NDEL1: variants seen among roughly 807,000 people sequenced by gnomAD.
The protein encoded by NDEL1 is nuclear distribution protein nudE-like 1.
A neutral mutation model predicts 45.7 loss-of-function variants in NDEL1; 9 were observed. The ratio of observed to expected loss-of-function variants is 0.20; its 90% CI spans 0.12 to 0.34. The LOEUF is 0.34. NDEL1 is among the 10% of genes least tolerant of loss of function. NDEL1 has a pLI of 1.00. For missense variants in NDEL1, 306 were observed against 406.2 expected, an observed-to-expected ratio of 0.75 and a Z score of 2.12; for synonymous variants, 133 against 158.6, an observed-to-expected ratio of 0.84 and a Z score of 1.21.
intron 8 of NDEL1, among the ~76,000 whole-genome samples, chr17:8,462,062 C>A (rs1319112199): frequency 6.6e-6 from 1 of 151,722 alleles, no homozygotes; most frequent in Non-Finnish European, 1.5e-5. Context: ...ATGTGGGGAC[C>A]TTAGGGTGAG....
intron 1 of NDEL1, among the ~76,000 whole-genome samples, chr17:8,430,825 T>C (rs765077221): frequency 2.0e-5 from 3 of 152,220 alleles, no homozygotes; most frequent in Admixed American, 6.5e-5. Context: ...TTATTTTTTC[T>C]GGATTTGGTA....
At chr17:8,452,994 C>T (rs555307198) in intron 6 of NDEL1, among the ~76,000 whole-genome samples, 1 of 152,280 alleles carries the variant, frequency 6.6e-6, no homozygotes, top group South Asian at 2.1e-4. Context: ...CCACCTCAGC[C>T]TCCCAAAGTG....
At chr17:8,426,412 A>G (rs1214155064) in intron 1 of NDEL1, among the ~76,000 whole-genome samples, 1 of 152,176 alleles carries the variant, frequency 6.6e-6, no homozygotes, top group Non-Finnish European at 1.5e-5. Context: ...ACCTGGCGCC[A>G]CCTTGTCTGT....
intron 6 of NDEL1, among the ~76,000 whole-genome samples, chr17:8,451,215 AT>A (rs1276531148): frequency 1.3e-5 from 2 of 152,210 alleles, no homozygotes; most frequent in Non-Finnish European, 2.9e-5. Context: ...ATAGCAATAG[AT>A]TTTGTGATTA....
At chr17:8,452,990 C>T (rs1198061408) in intron 6 of NDEL1, among the ~76,000 whole-genome samples, 1 of 152,160 alleles carries the variant, frequency 6.6e-6, no homozygotes. Context: ...CCACCCACCT[C>T]AGCCTCCCAA....
chr17:8,471,418 G>T (rs909989125), downstream of NDEL1, among the ~76,000 whole-genome samples: 1 of 152,250 alleles, frequency 6.6e-6, no homozygotes, highest in Non-Finnish European at 1.5e-5. Flanking sequence ...GACAGTGATT[G>T]TGAGATACAG....
At chr17:8,451,021 G>A in intron 6 of NDEL1, 68 bp downstream of exon 6, 12 of 1,472,088 alleles carry the variant, frequency 8.2e-6, no homozygotes, top group Non-Finnish European at 1.1e-5. Context: ...TGTTGCTGAA[G>A]GCGGTTGCTA....
Position 8,445,697 on chromosome 17 carries a change from T to G in NDEL1, c.87-14T>G. ...CTTAGTGTAACTCGTCTTTCCCACT[T>G]TGTTTCTGATTAGCTTCCAGGAAGC... On this transcript the variant is annotated splice_polypyrimidine_tract_variant and intron_variant, in intron 2 of 8. Transcript: ENST00000334527. 3 of 1,588,356 alleles carry G rather than the reference T, an allele frequency of 1.9e-6. No homozygotes were observed. Among genetic ancestry groups the G allele is most frequent in the Non-Finnish European group, 2.6e-6 (3 of 1,171,496 alleles).
intron 6 of NDEL1, among the ~76,000 whole-genome samples, chr17:8,451,666 C>T (rs1344455829): frequency 6.6e-6 from 1 of 152,076 alleles, no homozygotes; most frequent in East Asian, 1.9e-4. Flanking sequence ...AGAAAAACCA[C>T]CTAGTAGCCA....
intron 7 of NDEL1, among the ~76,000 whole-genome samples, chr17:8,457,748 C>T (rs1456835330): frequency 2.0e-5 from 3 of 152,158 alleles, no homozygotes; most frequent in African/African-American, 4.8e-5. Flanking sequence ...AGTGCAAATT[C>T]CTGTCCGTGG....
upstream of NDEL1, among the ~76,000 whole-genome samples, chr17:8,434,244 T>G (rs916662714): frequency 6.6e-6 from 1 of 152,156 alleles, no homozygotes; most frequent in Non-Finnish European, 1.5e-5. Flanking sequence ...TGTTTGTTTT[T>G]AGACGGAGTC....
At chr17:8,431,904 C>G (rs533808004), upstream of NDEL1, 3 of 136,752 alleles carry the variant, frequency 2.2e-5, no homozygotes, top group African/African-American at 8.2e-5. Context: ...AACAGGCTTG[C>G]TCTGTCACCC....
intron 1 of NDEL1, among the ~76,000 whole-genome samples, chr17:8,442,535 G>C (rs1909803809): frequency 6.6e-6 from 1 of 151,742 alleles, no homozygotes; most frequent in Non-Finnish European, 1.5e-5. Context: ...CATTGCTTCT[G>C]GGCTCAAGCA....
intron 1 of NDEL1, among the ~76,000 whole-genome samples, chr17:8,417,854 A>G (rs1015796791): frequency 3.3e-5 from 5 of 152,346 alleles, no homozygotes; most frequent in Admixed American, 3.3e-4. Flanking sequence ...TAGTTCCTCC[A>G]GAAAGCAAAC....
chr17:8,446,661 T>A, intron 3 of NDEL1, 93 bp from the exon 4 acceptor site: 2 of 1,210,912 alleles, frequency 1.7e-6, no homozygotes, highest in Non-Finnish European at 2.2e-6. Flanking sequence ...GTAAATTCCT[T>A]GGGTTCCCCC....
chr17:8,462,285 T>C (rs1157102431), intron 8 of NDEL1, among the ~76,000 whole-genome samples: 1 of 152,174 alleles, frequency 6.6e-6, no homozygotes, highest in Non-Finnish European at 1.5e-5. Flanking sequence ...GTGGGCTGGC[T>C]GTTGTGTGAG....
At chr17:8,446,678 T>G in intron 3 of NDEL1, 76 bp from the exon 4 acceptor site, 20 of 1,443,592 alleles carry the variant, frequency 1.4e-5, no homozygotes, top group Non-Finnish European at 1.8e-5. Context: ...CCCCCCACCC[T>G]TTTAACTTGA....
chr17:8,430,746 T>G (rs544662352), intron 1 of NDEL1, among the ~76,000 whole-genome samples: 3 of 152,362 alleles, frequency 2.0e-5, no homozygotes, highest in Admixed American at 6.5e-5. Context: ...TCACCTTTTT[T>G]ACCACCACAA....
intron 1 of NDEL1, among the ~76,000 whole-genome samples, chr17:8,438,944 T>C (rs1256785389): frequency 1.9e-5 from 2 of 104,406 alleles, no homozygotes; most frequent in Admixed American, 2.5e-4. Context: ...TTGTTCTTTT[T>C]TTTTTTTTTT....
Sources: gnomAD v4.1 joint callset for allele counts (sites outside exome capture counted in the v4.1 genomes callset) on GRCh38, gnomAD v4.1.1 for gene constraint, MANE v1.5 for transcripts, NCBI Gene and HGNC (gene_info 2026-07-23, HGNC 2026-07-21) for gene names.